The following PTPRK variants were observed in gnomAD, a reference collection of about 807,000 sequenced individuals.
The protein encoded by PTPRK is receptor-type tyrosine-protein phosphatase kappa.
A neutral mutation model predicts 178.0 loss-of-function variants in PTPRK; 75 were observed. The observed-to-expected ratio is 0.42, with a 90% CI of 0.35 to 0.51. The LOEUF (loss-of-function observed/expected upper bound fraction) is 0.51, where lower values mean the gene tolerates loss of function less well. PTPRK is among the 20% of genes least tolerant of loss of function. PTPRK has a pLI of 0.02. For missense variants in PTPRK, 1,441 were observed against 1,797.8 expected (o/e 0.80, Z 3.59); for synonymous variants, 637 against 620.6 (o/e 1.03, Z -0.39).
intron 29 of PTPRK, among the ~76,000 whole-genome samples, chr6:127,971,243 A>G (rs1325541744): frequency 6.6e-6 from 1 of 151,688 alleles, no homozygotes; most frequent in Non-Finnish European, 1.5e-5. Context: ...AGACCATATC[A>G]TAAACTATTA....
At chr6:128,440,664 A>G (rs1428955616) in intron 1 of PTPRK, among the ~76,000 whole-genome samples, 2 of 152,178 alleles carry the variant, frequency 1.3e-5, no homozygotes, top group African/African-American at 2.4e-5. Context: ...AATAGAAGGT[A>G]GTACACTATA....
chr6:128,241,304 A>C (rs1345900229), intron 4 of PTPRK: 1 of 533,360 alleles, frequency 1.9e-6, no homozygotes, highest in Non-Finnish European at 3.8e-6. Context: ...CGAACTCTAG[A>C]CCAGCAACAT....
At chr6:128,154,996 C>T (rs2114578402) in intron 7 of PTPRK, among the ~76,000 whole-genome samples, 1 of 151,794 alleles carries the variant, frequency 6.6e-6, no homozygotes, top group East Asian at 1.9e-4. Context: ...ATCTGTAAGT[C>T]CTTTCTCTCC....
intron 6 of PTPRK, among the ~76,000 whole-genome samples, chr6:128,200,864 G>T (rs1386808418): frequency 7.9e-6 from 1 of 126,782 alleles, no homozygotes. Context: ...AGGAGGAGGG[G>T]GAGGGTGAGG....
intron 1 of PTPRK, among the ~76,000 whole-genome samples, chr6:128,478,803 G>A (rs1207837620): frequency 6.6e-6 from 1 of 152,086 alleles, no homozygotes; most frequent in Non-Finnish European, 1.5e-5. Flanking sequence ...AAATAAAGAA[G>A]CATCTCCAGT....
At chr6:128,187,828 T>A (rs1269741840) in intron 6 of PTPRK, among the ~76,000 whole-genome samples, 1 of 152,190 alleles carries the variant, frequency 6.6e-6, no homozygotes, top group African/African-American at 2.4e-5. Flanking sequence ...AGATGTAAAA[T>A]CTAGCATTAA....
At chr6:128,094,242 A>C (rs1308773436) in intron 7 of PTPRK, among the ~76,000 whole-genome samples, 1 of 152,146 alleles carries the variant, frequency 6.6e-6, no homozygotes, top group Non-Finnish European at 1.5e-5. Flanking sequence ...AGGGTTTCTG[A>C]GCAGGAAGTT....
At chr6:128,104,921 A>G (rs1174436284) in intron 7 of PTPRK, among the ~76,000 whole-genome samples, 1 of 152,224 alleles carries the variant, frequency 6.6e-6, no homozygotes, top group Non-Finnish European at 1.5e-5. Flanking sequence ...TCCAAAGGTG[A>G]AAAGTCTTGG....
chr6:128,105,600 T>C (rs529117507), intron 7 of PTPRK, among the ~76,000 whole-genome samples: 10 of 152,236 alleles, frequency 6.6e-5, no homozygotes, highest in Non-Finnish European at 1.3e-4. Flanking sequence ...CTGAAATCAA[T>C]GGATGTTACT....
intron 1 of PTPRK, among the ~76,000 whole-genome samples, chr6:128,397,981 C>T (rs528432060): frequency 6.6e-6 from 1 of 152,222 alleles, no homozygotes; most frequent in South Asian, 2.1e-4. Flanking sequence ...TTGAAATATA[C>T]AAAGTGTTAG....
intron 7 of PTPRK, among the ~76,000 whole-genome samples, chr6:128,173,504 T>A (rs1391970043): frequency 6.6e-6 from 1 of 151,994 alleles, no homozygotes; most frequent in Non-Finnish European, 1.5e-5. Context: ...GACACTTAAA[T>A]CTGTATATCC....
chr6:128,341,445 T>G lies in PTPRK; in HGVS notation c.224-19135A>C, dbSNP rs13204495. Among the ~76,000 whole-genome samples the G allele has an allele frequency of 4.6e-3, 697 of 152,282 alleles. 1 individual carries two copies. The highest frequency in any genetic ancestry group is 8.3e-3 in the Non-Finnish European group (564 of 68,012). On this transcript the variant is annotated intron_variant, in intron 2 of 29. Transcript: ENST00000368226. ...ACACACAATACCAATAACTGTAGAT[T>G]AAGAAAAGACTAAGTCCAAAAGGTA...
At chr6:128,124,734 G>T (rs1051678696) in intron 7 of PTPRK, among the ~76,000 whole-genome samples, 5 of 152,080 alleles carry the variant, frequency 3.3e-5, no homozygotes, top group African/African-American at 1.2e-4. Context: ...CCTCCATAAT[G>T]TGGGTAGGCC....
chr6:127,995,418 T>C (rs762281263), intron 18 of PTPRK, 44 bp downstream of exon 18: 4 of 1,486,628 alleles, frequency 2.7e-6, no homozygotes, highest in Non-Finnish European at 3.7e-6. Flanking sequence ...GGTTCATATA[T>C]ATAAGCCAAT....
At chr6:128,404,614 G>A (rs539191375) in intron 1 of PTPRK, among the ~76,000 whole-genome samples, 7 of 152,232 alleles carry the variant, frequency 4.6e-5, no homozygotes, top group Admixed American at 2.0e-4. Flanking sequence ...GGTACAAGTT[G>A]GAATTCAAAA....
At chr6:128,345,979 T>G (rs964322226) in intron 2 of PTPRK, among the ~76,000 whole-genome samples, 1 of 152,190 alleles carries the variant, frequency 6.6e-6, no homozygotes, top group African/African-American at 2.4e-5. Context: ...ATTTTTTAAG[T>G]TATATTGTAA....
intron 19 of PTPRK, among the ~76,000 whole-genome samples, chr6:127,992,454 C>T (rs1776716821): frequency 6.6e-6 from 1 of 151,768 alleles, no homozygotes; most frequent in Non-Finnish European, 1.5e-5. Context: ...CCACTACCAG[C>T]TTTTCTTTCA....
At chr6:128,480,783 C>T (rs1851976314) in intron 1 of PTPRK, among the ~76,000 whole-genome samples, 1 of 152,206 alleles carries the variant, frequency 6.6e-6, no homozygotes. Context: ...GTTCTGCCCA[C>T]TTTATCAGAA....
chr6:128,244,731 C>CTGAAAACCTCTAGTAGGAGGAGG (rs1278112681), intron 3 of PTPRK, among the ~76,000 whole-genome samples: 1 of 152,128 alleles, frequency 6.6e-6, no homozygotes, highest in African/African-American at 2.4e-5. Context: ...TTAGTACAGA[C>CTGAAAACCTCTAGTAGGAGGAGG]TGAAAACCTC....
Sources: gnomAD v4.1 joint callset for allele counts (sites outside exome capture counted in the v4.1 genomes callset) on GRCh38, gnomAD v4.1.1 for gene constraint, MANE v1.5 for transcripts, NCBI Gene and HGNC (gene_info 2026-07-23, HGNC 2026-07-21) for gene names.